Variants in PTCD3 observed in about 807,000 individuals in gnomAD.
PTCD3 encodes the protein pentatricopeptide repeat domain 3, also known as small ribosomal subunit protein mS39.
Under a neutral mutation model 101.9 loss-of-function variants are expected in PTCD3, and 89 were observed. The observed-to-expected ratio is 0.87, with a 90% CI of 0.74 to 1.04. PTCD3 has a LOEUF of 1.04. Ranked by LOEUF, PTCD3 falls within the 50% of genes least tolerant of loss-of-function variation. The pLI is 0.00. For missense variants in PTCD3, 870 were observed against 828.2 expected, an observed-to-expected ratio of 1.05 and a Z score of -0.62; for synonymous variants, 296 against 278.5, an observed-to-expected ratio of 1.06 and a Z score of -0.63.
At chr2:86,110,995 C>T (rs1558793005) in intron 3 of PTCD3, 118 bp from the exon 4 acceptor site, 1 of 931,156 alleles carries the variant, frequency 1.1e-6, no homozygotes. Flanking sequence ...GTGACATAAC[C>T]AGCTTCAGAT....
intron 11 of PTCD3, 37 bp from the exon 12 acceptor site, chr2:86,125,758 C>A: frequency 6.7e-7 from 1 of 1,488,062 alleles, no homozygotes; most frequent in Non-Finnish European, 9.3e-7. Flanking sequence ...AGGGATTAAT[C>A]TTCAACCCCA....
At chr2:86,112,726 C>A (rs72847889) in intron 4 of PTCD3, among the ~76,000 whole-genome samples, 6,660 of 151,164 alleles carry the variant, frequency 0.044, 168 homozygotes, top group Middle Eastern at 0.082. Context: ...ATTATCAAAT[C>A]CCTTTATTTG....
At position 86,129,164 on chromosome 2, in the gene PTCD3, T is replaced by C. The variant is rs1474492109; in HGVS notation, c.1147+1173T>C. Among the ~76,000 whole-genome samples the C allele has an allele frequency of 1.3e-5, 2 of 152,184 alleles. 1 individual carries two copies. Among genetic ancestry groups the C allele is most frequent in the East Asian group, 3.8e-4 (2 of 5,204 alleles). ...TTTCCATAATTGTGTCCCCTAAAAT[T>C]TTACTCAACCTTGGTGAGATTGTGA... On this transcript the variant is annotated intron_variant, in intron 14 of 23. Coordinates refer to ENST00000254630, the MANE Select transcript of PTCD3 (RefSeq NM_017952.6).
intron 17 of PTCD3, 44 bp from the exon 18 acceptor site, chr2:86,133,134 A>G (rs1482864751): frequency 6.3e-7 from 1 of 1,597,346 alleles, no homozygotes; most frequent in African/African-American, 1.3e-5. Context: ...CTGTTGTTAG[A>G]CATAGGGACT....
intron 6 of PTCD3, among the ~76,000 whole-genome samples, chr2:86,117,535 A>G (rs1411267059): frequency 1.3e-5 from 2 of 150,950 alleles, no homozygotes; most frequent in African/African-American, 2.4e-5. Context: ...GCAGCCTGGA[A>G]CCCCTGGGCT....
chr2:86,108,785 T>C, intron 3 of PTCD3: 1 of 408,050 alleles, frequency 2.5e-6, no homozygotes, highest in East Asian at 3.7e-5. Flanking sequence ...TGGGTTACTA[T>C]TTACGTGGTT....
intron 20 of PTCD3, 66 bp downstream of exon 20, chr2:86,134,443 T>C: frequency 7.7e-7 from 1 of 1,296,022 alleles, no homozygotes; most frequent in Non-Finnish European, 1.1e-6. Flanking sequence ...CTAGCTTCCC[T>C]GGTTTTATCT....
At chr2:86,124,517 C>G (rs1039194999) in intron 9 of PTCD3, among the ~76,000 whole-genome samples, 3 of 151,950 alleles carry the variant, frequency 2.0e-5, no homozygotes, top group African/African-American at 4.8e-5. Flanking sequence ...TCCAGCTACT[C>G]GAGAGGTGGA....
chr2:86,112,303 G>A (rs932236279), intron 4 of PTCD3, among the ~76,000 whole-genome samples: 30 of 150,162 alleles, frequency 2.0e-4, no homozygotes, highest in African/African-American at 7.1e-4. Context: ...TGATCCACCC[G>A]CCTTGGCCTC....
At chr2:86,132,171 C>A in intron 16 of PTCD3, 147 bp from the exon 17 acceptor site, 1 of 526,714 alleles carries the variant, frequency 1.9e-6, no homozygotes, top group Non-Finnish European at 3.4e-6. Context: ...GATTTGTCTC[C>A]CCCCCATTTC....
rs1674680362 is a variant in PTCD3, at chr2:86,141,285, T to TAC, written c.*3728_*3729dup. 1.3e-5 allele frequency: 2 copies of TAC among 152,266 alleles called. No individual in the cohort carries two copies. The highest frequency in any genetic ancestry group is 2.4e-5 in the African/African-American group (1 of 41,448). The allele number at this position is 152,266 out of a possible 1,614,324, so 9.4% of individuals were successfully genotyped here. On this transcript the variant is annotated 3_prime_UTR_variant, in exon 24 of 24. Transcript: ENST00000254630. ...CTCAAGCTCCCTGCCAACCTCTGGA[T>TAC]ACATCAATGGGAAGGAAACCAGGGA... is the stretch of plus-strand genomic sequence containing the variant.
chr2:86,136,635 T>G (rs1395177554), intron 22 of PTCD3, 73 bp downstream of exon 22: 19 of 1,508,202 alleles, frequency 1.3e-5, no homozygotes, highest in Non-Finnish European at 1.7e-5. Context: ...TTCACCAGCC[T>G]TAGCCACCAC....
chr2:86,117,138 CAT>C lies in PTCD3; in HGVS notation c.395_396del (p.Ile132SerfsTer2). On this transcript the variant is annotated frameshift_variant, in exon 6 of 24. Transcript: ENST00000254630. LOFTEE classifies it high-confidence loss of function. The part of the protein sequence containing the change: ...NSYPKYFQKD[I>X]AEPHIPCLMP... Reference sequence around the variant, plus strand: ...CATACCCCAAATATTTTCAGAAGGACATAGCTGAACCTCATATACCGGTAAGG... The same window carrying C: ...CATACCCCAAATATTTTCAGAAGGACAGCTGAACCTCATATACCGGTAAGG... 1 of 1,304,644 alleles carries C rather than the reference CAT, an allele frequency of 7.7e-7. No individual in the cohort carries two copies. Among genetic ancestry groups the C allele is most frequent in the East Asian group, 2.3e-5 (1 of 43,368 alleles). 80.8% of individuals were successfully genotyped at this position (1,304,644 alleles called of 1,614,324 possible). A position where few individuals can be genotyped will look rare whatever the true frequency, so the allele number is the denominator to read the frequency against.
rs116278197 is a variant in PTCD3, at chr2:86,108,778, G to T, written c.194+242G>T. On this transcript the variant is annotated intron_variant, in intron 3 of 23. Coordinates refer to ENST00000254630, the MANE Select transcript of PTCD3 (RefSeq NM_017952.6). ...TGAAAGAGATTTTGAATTAGTGTGG[G>T]TTACTATTTACGTGGTTAATAATAC... 276 of 412,426 alleles carry T rather than the reference G, an allele frequency of 6.7e-4. 1 individual carries two copies. Among genetic ancestry groups the T allele is most frequent in the African/African-American group, 5.5e-3 (265 of 48,570 alleles). 25.5% of individuals were successfully genotyped at this position (412,426 alleles called of 1,614,324 possible). A position where few individuals can be genotyped will look rare whatever the true frequency, so the allele number is the denominator to read the frequency against.
At position 86,139,155 on chromosome 2, in the gene PTCD3, A is replaced by G. The variant is rs1045836570; in HGVS notation, c.*1596A>G. On this transcript the variant is annotated 3_prime_UTR_variant, in exon 24 of 24. Transcript: ENST00000254630. Reference sequence around the variant, plus strand: ...TTAAGGCCTCACAGGATGAGTCTCCATTCTCTGTAAATGCTTATTTTATCA... The same window carrying G: ...TTAAGGCCTCACAGGATGAGTCTCCGTTCTCTGTAAATGCTTATTTTATCA... 8 of 152,184 alleles carry G rather than the reference A, an allele frequency of 5.3e-5. No individual in the cohort carries two copies. Among genetic ancestry groups the G allele is most frequent in the African/African-American group, 1.9e-4 (8 of 41,440 alleles). The allele number at this position is 152,184 out of a possible 1,614,324, so 9.4% of individuals were successfully genotyped here. A position where few individuals can be genotyped will look rare whatever the true frequency, so the allele number is the denominator to read the frequency against.
chr2:86,136,035 T>C lies in PTCD3; in HGVS notation c.1779-486T>C, dbSNP rs760805948. 5.8e-6 allele frequency: 3 copies of C among 519,108 alleles called. No individual in the cohort carries two copies. The Admixed American group carries it at 5.8e-5, about 10-fold the overall frequency. The allele number at this position is 519,108 out of a possible 1,614,324, so 32.2% of individuals were successfully genotyped here. On this transcript the variant is annotated intron_variant, in intron 21 of 23. Transcript: ENST00000254630. ...TTCATAACAGAATTCTAAGACAGAC[T>C]GAACCCCTGCTGTACTTTAAGAGAG...
chr2:86,132,228 T>C, intron 16 of PTCD3, 90 bp from the exon 17 acceptor site: 4 of 717,986 alleles, frequency 5.6e-6, no homozygotes, highest in African/African-American at 1.8e-5. Flanking sequence ...ATCAACATTA[T>C]TTTCACAAGA....
chr2:86,136,015 A>G (rs779829380), intron 21 of PTCD3: 2 of 519,152 alleles, frequency 3.9e-6, no homozygotes, highest in South Asian at 2.8e-5. Context: ...TGCACTTCAT[A>G]ACAGAATTCT....
intron 21 of PTCD3, chr2:86,135,869 C>A: frequency 1.9e-6 from 1 of 513,724 alleles, no homozygotes; most frequent in South Asian, 1.4e-5. Flanking sequence ...CTTGATACAA[C>A]CAGGCTGTGA....
Sources: gnomAD v4.1 joint callset for allele counts (sites outside exome capture counted in the v4.1 genomes callset) on GRCh38, gnomAD v4.1.1 for gene constraint, MANE v1.5 for transcripts, NCBI Gene and HGNC (gene_info 2026-07-23, HGNC 2026-07-21) for gene names.